MPHOSPH9: variants seen among roughly 807,000 people sequenced by gnomAD.
MPHOSPH9 encodes the protein M-phase phosphoprotein 9.
A neutral mutation model predicts 145.5 loss-of-function variants in MPHOSPH9; 88 were observed. The ratio of observed to expected loss-of-function variants is 0.60; its 90% confidence interval spans 0.51 to 0.72. MPHOSPH9 has a LOEUF of 0.72. MPHOSPH9 is among the 30% of genes least tolerant of loss of function. MPHOSPH9 has a pLI of 0.00. For synonymous variants in MPHOSPH9, 435 were observed against 486.2 expected (o/e 0.89, Z 1.39); for missense variants, 1,238 against 1,386.6 (o/e 0.89, Z 1.70).
intron 7 of MPHOSPH9, among the ~76,000 whole-genome samples, chr12:123,212,711 CA>C (rs542748087): frequency 0.5 from 23,185 of 46,522 alleles, 3,820 homozygotes; most frequent in East Asian, 0.72. Context: ...AACTCTGTCT[CA>C]AAAAAAAAAA....
chr12:123,182,972 G>C (rs1224774114), intron 13 of MPHOSPH9, among the ~76,000 whole-genome samples: 1 of 151,666 alleles, frequency 6.6e-6, no homozygotes, highest in Non-Finnish European at 1.5e-5. Context: ...CCAGCACTTT[G>C]GGAGGCTGAG....
intron 6 of MPHOSPH9, among the ~76,000 whole-genome samples, 170 bp downstream of exon 6, chr12:123,218,206 T>C (rs1010735476): frequency 6.6e-6 from 1 of 152,012 alleles, no homozygotes; most frequent in African/African-American, 2.4e-5. Flanking sequence ...CACTCCAGTC[T>C]GGGCCATAAG....
Position 123,214,775 on chromosome 12 carries a change from A to C in MPHOSPH9, c.1056T>G (p.Thr352=). 1.9e-6 allele frequency: 3 copies of C among 1,613,488 alleles called. No individual in the cohort carries two copies. The Admixed American group carries it at 5.0e-5, about 27-fold the overall frequency. Residue 352 remains threonine (T), a synonymous_variant, in exon 7 of 24, where the codon ACT becomes ACG. Transcript: ENST00000606320. ...CTGAATCAGACATCCAAGCATTTGG[A>C]GTTTCATCTGGTTTACTGAGGTAAA... The part of the protein sequence containing the change: ...RAFYLSKPDE[T]PNAWMSDSGT...
At chr12:123,208,743 T>C (rs967141843) in intron 8 of MPHOSPH9, among the ~76,000 whole-genome samples, 1 of 150,724 alleles carries the variant, frequency 6.6e-6, no homozygotes, top group South Asian at 2.1e-4. Flanking sequence ...TAACCAGCAT[T>C]TTTTTTTTCC....
intron 8 of MPHOSPH9, among the ~76,000 whole-genome samples, chr12:123,206,298 CA>C (rs1224432180): frequency 1.2e-5 from 1 of 85,248 alleles, no homozygotes; most frequent in Non-Finnish European, 3.4e-5. Context: ...TAAAAACAAA[CA>C]AACAAAAAAA....
intron 5 of MPHOSPH9, among the ~76,000 whole-genome samples, chr12:123,218,961 G>A (rs1177741387): frequency 6.6e-6 from 1 of 151,932 alleles, no homozygotes; most frequent in African/African-American, 2.4e-5. Flanking sequence ...CAGCGGCAGT[G>A]GTGCAATGAC....
Position 123,176,067 on chromosome 12 carries a change from G to C in MPHOSPH9, c.2456+621C>G, listed in dbSNP as rs917203667. On this transcript the variant is annotated intron_variant, in intron 16 of 23. Transcript: ENST00000606320. The stretch of plus-strand genomic sequence containing the variant: ...GCTCCTCATTTGACAATTACAACTT[G>C]GGTCACAAATTACAATTTAAAATCA... Among the ~76,000 whole-genome samples the C allele has an allele frequency of 4.6e-5, 7 of 151,720 alleles. No homozygotes were observed. The South Asian group carries it at 1.5e-3, about 32-fold the overall frequency.
At chr12:123,227,658 T>C in intron 2 of MPHOSPH9, 42 bp from the exon 3 acceptor site, 1 of 1,450,722 alleles carries the variant, frequency 6.9e-7, no homozygotes, top group Non-Finnish European at 9.1e-7. Flanking sequence ...CTTCATTCTA[T>C]CAAAGTGTTG....
intron 1 of MPHOSPH9, among the ~76,000 whole-genome samples, chr12:123,231,892 A>C (rs2047651355): frequency 6.7e-6 from 1 of 149,354 alleles, no homozygotes; most frequent in Non-Finnish European, 1.5e-5. Context: ...GCTGCTTACA[A>C]ACTGAAAAGC....
intron 13 of MPHOSPH9, among the ~76,000 whole-genome samples, chr12:123,181,991 C>T (rs77512518): frequency 0.051 from 7,760 of 151,222 alleles, 340 homozygotes; most frequent in East Asian, 0.27. Flanking sequence ...GTCGCTCTGT[C>T]GCCAGGCTGG....
chr12:123,232,540 C>T (rs1450090012), intron 1 of MPHOSPH9, among the ~76,000 whole-genome samples: 1 of 152,116 alleles, frequency 6.6e-6, no homozygotes, highest in African/African-American at 2.4e-5. Context: ...TAACTGGGCG[C>T]TCCGCCTTGA....
chr12:123,184,391 G>C (rs2045341151), intron 13 of MPHOSPH9, among the ~76,000 whole-genome samples: 1 of 151,868 alleles, frequency 6.6e-6, no homozygotes, highest in East Asian at 1.9e-4. Context: ...AAAATGGCTG[G>C]TGCATGACTC....
chr12:123,160,794 G>A lies in MPHOSPH9; in HGVS notation c.3437C>T (p.Thr1146Ile), dbSNP rs1388024855. ...PSPGGRITLQ[T>I]RLNQEALEDR... ...AAGACATTTCACCTGATTTAATCTT[G>A]TCTGTAAAGTGATTCGTCCTCCAGG... is the stretch of plus-strand genomic sequence containing the variant. Residue 1146 changes from threonine to isoleucine, a missense_variant, in exon 23 of 24, where the codon ACA (threonine) becomes ATA (isoleucine). Thr to Ile is a moderately conservative substitution (Grantham distance 89, BLOSUM62 -1). Around this residue, in one of 3 missense-constraint regions of MPHOSPH9, gnomAD observed 393 missense variants for 462.5 expected, o/e 0.85. Transcript: ENST00000606320. 1 of 1,613,706 alleles carries A rather than the reference G, an allele frequency of 6.2e-7. No homozygotes were observed. Among genetic ancestry groups the A allele is most frequent in the African/African-American group, 1.3e-5 (1 of 74,916 alleles).
intron 11 of MPHOSPH9, among the ~76,000 whole-genome samples, 171 bp from the exon 12 acceptor site, chr12:123,198,505 T>C (rs1427346726): frequency 1.3e-5 from 2 of 152,030 alleles, no homozygotes; most frequent in Non-Finnish European, 2.9e-5. Flanking sequence ...AATAATATAG[T>C]ATGTAGAGAA....
At chr12:123,231,357 A>C (rs1164454499) in intron 1 of MPHOSPH9, among the ~76,000 whole-genome samples, 1 of 152,244 alleles carries the variant, frequency 6.6e-6, no homozygotes, top group Non-Finnish European at 1.5e-5. Flanking sequence ...AATTCTACCA[A>C]GTATATATGT....
At position 123,155,757 on chromosome 12, in the gene MPHOSPH9, C is replaced by T. The variant is rs1283428338; in HGVS notation, c.*1050G>A. On this transcript the variant is annotated 3_prime_UTR_variant, in exon 24 of 24. Coordinates refer to ENST00000606320, the MANE Select transcript of MPHOSPH9 (RefSeq NM_022782.4). ...TACTTCTGAGAGCCAGCGGCTACCA[C>T]AGAGGCAGTGGGCTGGAGCCCTCTG... is the stretch of plus-strand genomic sequence containing the variant. The T allele has an allele frequency of 6.6e-6, 1 of 152,258 alleles. No individual in the cohort carries two copies. The allele number at this position is 152,258 out of a possible 1,614,324, so 9.4% of individuals were successfully genotyped here.
chr12:123,232,731 C>T (rs1235556859), intron 1 of MPHOSPH9, among the ~76,000 whole-genome samples: 1 of 152,126 alleles, frequency 6.6e-6, no homozygotes. Context: ...AAAGCCACCG[C>T]TCCTGCAACT....
chr12:123,231,192 G>A (rs549815975), intron 1 of MPHOSPH9, among the ~76,000 whole-genome samples: 5 of 152,174 alleles, frequency 3.3e-5, no homozygotes, highest in African/African-American at 1.2e-4. Flanking sequence ...ATGTTGCCCA[G>A]GCTGGTCTAC....
chr12:123,233,575 G>A (rs1355118897), upstream of MPHOSPH9: 1 of 152,244 alleles, frequency 6.6e-6, no homozygotes, highest in Non-Finnish European at 1.5e-5. Flanking sequence ...GGCTGCCGAC[G>A]ACTGTCAAAG....
Sources: gnomAD v4.1 joint callset for allele counts (sites outside exome capture counted in the v4.1 genomes callset) on GRCh38, gnomAD v4.1.1 for gene constraint, gnomAD v4.1.1 regional missense constraint, MANE v1.5 for transcripts, NCBI Gene and HGNC (gene_info 2026-07-23, HGNC 2026-07-21) for gene names.